ZNF521: variants seen among roughly 807,000 people sequenced by gnomAD.
ZNF521 encodes the protein zinc finger protein 521.
In ZNF521, 14 loss-of-function variants were observed where a neutral mutation model predicts 105.5. The observed-to-expected ratio is 0.13, with a 90% CI of 0.09 to 0.21. The LOEUF is 0.21. Ranked by LOEUF, ZNF521 falls within the 10% of genes least tolerant of loss-of-function variation. ZNF521 has a pLI of 1.00. For missense variants in ZNF521, 1,233 were observed against 1,629.7 expected, an observed-to-expected ratio of 0.76 and a Z score of 4.19; for synonymous variants, 635 against 606.0, an observed-to-expected ratio of 1.05 and a Z score of -0.70.
At chr18:25,123,423 C>T (rs1177296793) in intron 5 of ZNF521, among the ~76,000 whole-genome samples, 2 of 151,964 alleles carry the variant, frequency 1.3e-5, no homozygotes, top group Admixed American at 6.6e-5. Context: ...GAAATAATTC[C>T]GTGAAATAAG....
chr18:25,113,128 G>T (rs35988486), intron 5 of ZNF521, among the ~76,000 whole-genome samples: 4,116 of 151,972 alleles, frequency 0.027, 125 homozygotes, highest in East Asian at 0.13. Context: ...TCTGTCCTTA[G>T]TGGGAGTTAC....
chr18:25,088,888 T>TC (rs1196979886), intron 7 of ZNF521, among the ~76,000 whole-genome samples: 1 of 152,194 alleles, frequency 6.6e-6, no homozygotes, highest in Non-Finnish European at 1.5e-5. Flanking sequence ...GGACTTACAG[T>TC]CCAAGGTTAC....
chr18:25,085,824 A>C (rs991640662), intron 7 of ZNF521, among the ~76,000 whole-genome samples: 3 of 152,080 alleles, frequency 2.0e-5, no homozygotes, highest in African/African-American at 7.2e-5. Context: ...AACTGGGCAT[A>C]AACCAAAAGA....
rs1906015150 is a variant in ZNF521 at position 25,225,059 on chromosome 18, T to C, written c.2859A>G (p.Leu953=). The stretch of plus-strand genomic sequence containing the variant: ...GGCACATGTAGTGTTTGACAGGGCC[T>C]AGGTGGGTCTGCATATGTTCCCGGA... ...NGLREHMQTH[L]GPVKHYMCPI... is the part of the protein sequence containing the mutation. Residue 953 remains leucine, a synonymous_variant, in exon 4 of 8, where the codon CTA becomes CTG. Transcript: ENST00000361524. The surrounding 1 kb of genome is among the most constrained non-coding windows in gnomAD (Gnocchi z 5.6). 3 of 1,614,192 alleles carry C rather than the reference T, an allele frequency of 1.9e-6. No individual in the cohort carries two copies. The highest frequency in any genetic ancestry group is 2.5e-6 in the Non-Finnish European group (3 of 1,180,026).
chr18:25,195,328 C>T, intron 4 of ZNF521, 84 bp from the exon 5 acceptor site: 1 of 1,077,070 alleles, frequency 9.3e-7, no homozygotes, highest in Non-Finnish European at 1.3e-6. Flanking sequence ...TTCTGAGATG[C>T]TGATCTTACC....
chr18:25,301,725 C>G (rs1911650652), intron 3 of ZNF521, among the ~76,000 whole-genome samples: 1 of 152,094 alleles, frequency 6.6e-6, no homozygotes, highest in Non-Finnish European at 1.5e-5. Flanking sequence ...GGGGTAGCAG[C>G]TAGGGACTGG....
rs560411160 is a variant in ZNF521 at position 25,331,970 on chromosome 18, T to C, written c.41-9783A>G. On this transcript the variant is annotated intron_variant, in intron 2 of 7. Transcript: ENST00000361524. The stretch of plus-strand genomic sequence containing the variant: ...TATTTGAAAGACAAGAACAATTGGA[T>C]TTGTCTAAAGTTTGCCAAAATTAAT... 1.1e-4 allele frequency among the ~76,000 whole-genome samples: 16 copies of C among 151,252 alleles called. 1 individual carries two copies. Among genetic ancestry groups the C allele is most frequent in the Middle Eastern group, 3.4e-3 (1 of 294 alleles).
intron 3 of ZNF521, among the ~76,000 whole-genome samples, chr18:25,297,456 C>T (rs1229557378): frequency 1.3e-5 from 2 of 152,062 alleles, no homozygotes; most frequent in Non-Finnish European, 2.9e-5. Context: ...TAGTCTCACG[C>T]AGATATTAAA....
intron 3 of ZNF521, among the ~76,000 whole-genome samples, chr18:25,254,531 T>G (rs192590605): frequency 6.6e-6 from 1 of 152,280 alleles, no homozygotes; most frequent in East Asian, 1.9e-4. Flanking sequence ...TGATTTGTGG[T>G]TGTGGCTGAT....
intron 5 of ZNF521, among the ~76,000 whole-genome samples, chr18:25,133,967 C>A (rs1027603272): frequency 6.6e-6 from 1 of 152,068 alleles, no homozygotes. Flanking sequence ...AGGAACAGAT[C>A]CAAAATCATG....
At chr18:25,223,691 GA>G (rs971083490) in intron 4 of ZNF521, among the ~76,000 whole-genome samples, 83 of 143,828 alleles carry the variant, frequency 5.8e-4, no homozygotes, top group African/African-American at 1.3e-3. Flanking sequence ...AAACTAAGGA[GA>G]AAAAAAAAAA....
At chr18:25,171,596 A>T (rs2035450101) in intron 5 of ZNF521, among the ~76,000 whole-genome samples, 1 of 152,120 alleles carries the variant, frequency 6.6e-6, no homozygotes, top group African/African-American at 2.4e-5. Context: ...GTTACAGGTT[A>T]TTGGCTCCAA....
chr18:25,124,708 C>T (rs1307034915), intron 5 of ZNF521, among the ~76,000 whole-genome samples: 1 of 152,068 alleles, frequency 6.6e-6, no homozygotes, highest in African/African-American at 2.4e-5. Flanking sequence ...AGTTAAAATG[C>T]TAGTAAAAAT....
chr18:25,065,761 T>C (rs1488663594), intron 7 of ZNF521, among the ~76,000 whole-genome samples: 2 of 152,222 alleles, frequency 1.3e-5, no homozygotes, highest in Non-Finnish European at 2.9e-5. Flanking sequence ...CTGGTGTTTT[T>C]ATATGTGCTC....
At chr18:25,224,037 G>A (rs1905917594) in intron 4 of ZNF521, 1 of 308,000 alleles carries the variant, frequency 3.2e-6, no homozygotes, top group African/African-American at 2.1e-5. Context: ...TCAACTCACG[G>A]TGAAGCTATG....
chr18:25,200,402 T>C (rs529463962), intron 4 of ZNF521, among the ~76,000 whole-genome samples: 3 of 151,980 alleles, frequency 2.0e-5, no homozygotes, highest in East Asian at 3.9e-4. Context: ...CAGTTTTCTT[T>C]TTTTTTTTGG....
Position 25,062,752 on chromosome 18 carries a change from C to CAAAGAA in ZNF521, c.3907-12_3907-11insTTCTTT. ...GGTCATTGTATGATTCTGTAAATAA[C>CAAAGAA]AAAAAAAAAAAAAAAAAAAAAAAAA... is the stretch of plus-strand genomic sequence containing the variant. On this transcript the variant is annotated splice_polypyrimidine_tract_variant and intron_variant, in intron 7 of 7. Coordinates refer to ENST00000361524, the MANE Select transcript of ZNF521 (RefSeq NM_015461.3). 2.8e-6 allele frequency: 1 copy of CAAAGAA among 359,496 alleles called. No individual in the cohort carries two copies. The highest frequency in any genetic ancestry group is 4.3e-6 in the Non-Finnish European group (1 of 234,470). 22.3% of individuals were successfully genotyped at this position (359,496 alleles called of 1,614,324 possible). A position where few individuals can be genotyped will look rare whatever the true frequency, so the allele number is the denominator to read the frequency against.
rs751561571 is a variant in ZNF521 at position 25,227,011 on chromosome 18, C to A, written c.907G>T (p.Val303Leu). The stretch of plus-strand genomic sequence containing the variant: ...GAGTTCTTCTTCTCCCCGCTATGCA[C>A]CTGCTCCATGTGGTTCATGAGGGAG... ...ETSLMNHMEQ[V>L]HSGEKKNSCS... Residue 303 changes from valine to leucine, a missense_variant, in exon 4 of 8, where the codon GTG (valine) becomes TTG (leucine). By Grantham distance (32) the Val-to-Leu change is conservative. Coordinates refer to ENST00000361524, the MANE Select transcript of ZNF521 (RefSeq NM_015461.3). The surrounding 1 kb of genome is among the most constrained non-coding windows in gnomAD (Gnocchi z 5.7). 2 of 1,614,162 alleles carry A rather than the reference C, an allele frequency of 1.2e-6. No homozygotes were observed. The highest frequency in any genetic ancestry group is 3.3e-5 in the Admixed American group (2 of 60,022).
intron 2 of ZNF521, among the ~76,000 whole-genome samples, chr18:25,331,482 T>C (rs147272808): frequency 1.3e-5 from 2 of 152,310 alleles, no homozygotes; most frequent in South Asian, 4.1e-4. Context: ...ATTTGGACAT[T>C]TGCGAAAGAA....
Sources: allele counts gnomAD v4.1 joint callset (sites outside exome capture counted in the v4.1 genomes callset), GRCh38; gene constraint gnomAD v4.1.1; non-coding constraint Gnocchi (gnomAD v3.1); transcripts MANE v1.5; gene names NCBI Gene and HGNC (gene_info 2026-07-23, HGNC 2026-07-21).